PPEF2: variants seen among roughly 807,000 people sequenced by gnomAD.
The protein encoded by PPEF2 is serine/threonine-protein phosphatase with EF-hands 2.
PPEF2 carries 84 observed loss-of-function variants against 84.7 expected under a neutral mutation model. The ratio of observed to expected loss-of-function variants is 0.99; its 90% CI spans 0.83 to 1.19. PPEF2 has a LOEUF of 1.19. PPEF2 is among the 50% of genes most tolerant of loss of function. PPEF2 has a pLI of 0.00. For synonymous variants in PPEF2, 346 were observed against 345.2 expected (o/e 1.00, Z -0.03); for missense variants, 924 against 937.5 (o/e 0.99, Z 0.19).
At chr4:75,897,071 T>G (rs1446068428) in intron 1 of PPEF2, among the ~76,000 whole-genome samples, 1 of 152,102 alleles carries the variant, frequency 6.6e-6, no homozygotes, top group Non-Finnish European at 1.5e-5. Flanking sequence ...GCCAGGATGG[T>G]CTCTATCTCC....
chr4:75,874,905 T>TC (rs1342942870), intron 11 of PPEF2, among the ~76,000 whole-genome samples: 3 of 149,356 alleles, frequency 2.0e-5, no homozygotes, highest in African/African-American at 7.3e-5. Flanking sequence ...TTTCTTTCTT[T>TC]TTTTTTTTTT....
intron 4 of PPEF2, 45 bp downstream of exon 4, chr4:75,891,603 T>C: frequency 6.4e-7 from 1 of 1,561,418 alleles, no homozygotes; most frequent in South Asian, 1.2e-5. Context: ...GTGTAATCTA[T>C]GGCCTTGCGA....
intron 13 of PPEF2, among the ~76,000 whole-genome samples, chr4:75,868,315 C>CAAAAAAAAA (rs10646136): frequency 5.4e-5 from 3 of 55,676 alleles, no homozygotes; most frequent in Non-Finnish European, 9.4e-5. Flanking sequence ...GACCCTGTCT[C>CAAAAAAAAA]AAAAAAAAAA....
At chr4:75,895,117 C>A (rs1199338687) in intron 2 of PPEF2, among the ~76,000 whole-genome samples, 1 of 144,590 alleles carries the variant, frequency 6.9e-6, no homozygotes, top group Non-Finnish European at 1.5e-5. Context: ...CCACCACACC[C>A]AGCTAATTAA....
chr4:75,893,508 A>ACT (rs1724939388), intron 2 of PPEF2, among the ~76,000 whole-genome samples: 1 of 150,484 alleles, frequency 6.6e-6, no homozygotes, highest in Admixed American at 6.6e-5. Context: ...ACACACACAC[A>ACT]CTCACACACA....
At chr4:75,860,996 G>A in intron 16 of PPEF2, 76 bp from the exon 17 acceptor site, 1 of 1,511,596 alleles carries the variant, frequency 6.6e-7, no homozygotes, top group Non-Finnish European at 9.1e-7. Flanking sequence ...TTCTTACAAG[G>A]ACACCTGCTC....
chr4:75,893,139 C>T (rs1280558832), intron 2 of PPEF2, among the ~76,000 whole-genome samples: 1 of 152,150 alleles, frequency 6.6e-6, no homozygotes, highest in African/African-American at 2.4e-5. Context: ...TTCTCAAAGG[C>T]ACTCACTAAA....
rs572404456 is a variant in PPEF2 at position 75,867,569 on chromosome 4, G to A, written c.1650-150C>T. ...GAGAGCGCCTTTACTCTTCCCTGTT[G>A]TACACAAACAGGATGAGTATGGGGA... is the stretch of plus-strand genomic sequence containing the variant. On this transcript the variant is annotated intron_variant, in intron 13 of 16. Coordinates refer to ENST00000286719, the MANE Select transcript of PPEF2 (RefSeq NM_006239.3). 15 of 586,032 alleles carry A rather than the reference G, an allele frequency of 2.6e-5. 1 individual carries two copies. In the South Asian group the frequency reaches 3.2e-4, roughly 13 times the overall value. 36.3% of individuals were successfully genotyped at this position (586,032 alleles called of 1,614,324 possible).
intron 10 of PPEF2, among the ~76,000 whole-genome samples, chr4:75,882,519 C>A (rs1724603243): frequency 6.7e-6 from 1 of 149,270 alleles, no homozygotes; most frequent in Non-Finnish European, 1.5e-5. Context: ...TGCCCCCTAG[C>A]CCAACTGCAG....
intron 1 of PPEF2, among the ~76,000 whole-genome samples, chr4:75,900,884 T>G (rs1283938683): frequency 6.6e-6 from 1 of 152,012 alleles, no homozygotes; most frequent in African/African-American, 2.4e-5. Context: ...CCCCAAGATA[T>G]ATTGTTACAT....
intron 12 of PPEF2, 99 bp downstream of exon 12, chr4:75,873,022 GTCTGTA>G (rs2149217097): frequency 9.0e-7 from 1 of 1,116,018 alleles, no homozygotes; most frequent in East Asian, 2.4e-5. Context: ...CAAATACAAG[GTCTGTA>G]GGTTGTTAGA....
Position 75,860,893 on chromosome 4 carries a change from T to A in PPEF2, c.2036A>T (p.Gln679Leu), listed in dbSNP as rs1723984031. The A allele has an allele frequency of 6.2e-7, 1 of 1,614,098 alleles. No homozygotes were observed. Among genetic ancestry groups the A allele is most frequent in the African/African-American group, 1.3e-5 (1 of 74,954 alleles). ...GTGAGAGCTGAACAGCTTCCAGGTC[T>A]GCCTGAACTCGTCCAGTGAGATGAA... Reference protein sequence around the residue: ...SGFISLDEFRQTWKLFSSHMN... With the variant: ...SGFISLDEFRLTWKLFSSHMN... The change falls in exon 17 of 17, where the codon CAG (glutamine) becomes CTG (leucine). Residue 679 changes from glutamine (Q) to leucine (L), a missense_variant. Transcript: ENST00000286719.
chr4:75,873,312 C>T lies in PPEF2; in HGVS notation c.1321G>A (p.Val441Ile). The T allele has an allele frequency of 5.6e-6, 9 of 1,603,970 alleles. No homozygotes were observed. The highest frequency in any genetic ancestry group is 7.7e-6 in the Non-Finnish European group (9 of 1,175,402). The change falls in exon 12 of 17, where the codon GTT (valine) becomes ATT (isoleucine). Residue 441 changes from valine (V) to isoleucine (I), a missense_variant and splice_region_variant. By Grantham distance (29) the Val-to-Ile change is conservative. Coordinates refer to ENST00000286719, the MANE Select transcript of PPEF2 (RefSeq NM_006239.3). ...GGATCACTCCACAGGATATCTACAA[C>T]CTGAGAAGACCAAGAGATGATTTCC... ...RKPTQEEWRQ[V>I]VDILWSDPMA...
chr4:75,881,644 C>A (rs1724577788), intron 10 of PPEF2: 2 of 152,176 alleles, frequency 1.3e-5, no homozygotes, highest in East Asian at 1.9e-4. Flanking sequence ...AGGGACACAG[C>A]AATTTCTAGT....
chr4:75,872,249 T>C, intron 12 of PPEF2, 82 bp from the exon 13 acceptor site: 3 of 1,306,246 alleles, frequency 2.3e-6, no homozygotes, highest in Middle Eastern at 2.2e-4. Context: ...CCAACTCAAC[T>C]GCAGAAGCTG....
chr4:75,875,831 C>T (rs1319681487), intron 11 of PPEF2, among the ~76,000 whole-genome samples: 2 of 152,090 alleles, frequency 1.3e-5, no homozygotes, highest in Non-Finnish European at 2.9e-5. Flanking sequence ...CAGGGTGCCT[C>T]GCTGCATACT....
chr4:75,900,130 GAGGCAGTAAA>G (rs1321870334), intron 1 of PPEF2, among the ~76,000 whole-genome samples: 1 of 152,136 alleles, frequency 6.6e-6, no homozygotes, highest in African/African-American at 2.4e-5. Flanking sequence ...TATGTTCTTG[GAGGCAGTAAA>G]AGGCATACTA....
rs932592639 is a variant in PPEF2, at chr4:75,886,336, C to T, written c.579+516G>A. Reference sequence around the variant, plus strand: ...TCGGCTCAGCAAGCGCGCAGGTACCCGAGGCCGGTGCGGAGAGTCCCTCCT... The same window carrying T: ...TCGGCTCAGCAAGCGCGCAGGTACCTGAGGCCGGTGCGGAGAGTCCCTCCT... On this transcript the variant is annotated intron_variant, in intron 7 of 16. Coordinates refer to ENST00000286719, the MANE Select transcript of PPEF2 (RefSeq NM_006239.3). 6.6e-5 allele frequency among the ~76,000 whole-genome samples: 10 copies of T among 152,308 alleles called. No homozygotes were observed. The East Asian group carries it at 1.5e-3, about 24-fold the overall frequency.
chr4:75,891,707 T>C lies in PPEF2; in HGVS notation c.184-2A>G. 6.2e-7 allele frequency: 1 copy of C among 1,611,000 alleles called. No individual in the cohort carries two copies. Among genetic ancestry groups the C allele is most frequent in the South Asian group, 1.1e-5 (1 of 90,466 alleles). ...GAGATAGCTGAAGAAGTCATGGAGCTGCAGAAGAACCCAAGGAGACGTGGC... is the reference window on the plus strand; with the variant it reads ...GAGATAGCTGAAGAAGTCATGGAGCCGCAGAAGAACCCAAGGAGACGTGGC... On this transcript the variant is annotated splice_acceptor_variant, in intron 3 of 16. Coordinates refer to ENST00000286719, the MANE Select transcript of PPEF2 (RefSeq NM_006239.3). LOFTEE classifies it high-confidence loss of function.
Sources: allele counts gnomAD v4.1 joint callset (sites outside exome capture counted in the v4.1 genomes callset), GRCh38; gene constraint gnomAD v4.1.1; transcripts MANE v1.5; gene names NCBI Gene and HGNC (gene_info 2026-07-23, HGNC 2026-07-21).